Variants in PPP1R3C observed in about 807,000 individuals in gnomAD.
PPP1R3C encodes the protein protein phosphatase 1 regulatory subunit 3C.
In PPP1R3C, 20 loss-of-function variants were observed where a neutral mutation model predicts 29.3. That is an observed-to-expected ratio of 0.68 (90% CI 0.48 to 0.99). The LOEUF is 0.99. Among genes scored for constraint, PPP1R3C ranks in the 50% least tolerant of loss-of-function variants. The pLI, the probability that PPP1R3C is intolerant of heterozygous loss-of-function variation, is 0.00. For synonymous variants in PPP1R3C, 123 were observed against 143.1 expected, an observed-to-expected ratio of 0.86 and a Z score of 1.00; for missense variants, 321 against 386.0, an observed-to-expected ratio of 0.83 and a Z score of 1.41.
Position 91,632,870 on chromosome 10 carries a change from A to T in PPP1R3C, c.14+86T>A, listed in dbSNP as rs1848731523. On this transcript the variant is annotated intron_variant, in intron 1 of 1. Transcript: ENST00000238994. ...CTCCCCCTGGGGTGTCCATTTCCAG[A>T]GATGATAGAACTGAAACGCCCCCCA... 1.4e-5 allele frequency: 21 copies of T among 1,535,260 alleles called. No homozygotes were observed. The Middle Eastern group carries it at 5.0e-4, about 37-fold the overall frequency.
chr10:91,632,760 G>T (rs1462479889), intron 1 of PPP1R3C, among the ~76,000 whole-genome samples, 196 bp downstream of exon 1: 1 of 152,060 alleles, frequency 6.6e-6, no homozygotes, highest in Non-Finnish European at 1.5e-5. Flanking sequence ...ACTAAAATAG[G>T]CTCTGCTTAA....
rs528278914 is a variant in PPP1R3C at position 91,629,781 on chromosome 10, T to C, written c.*146A>G. The C allele has an allele frequency of 3.9e-4, 342 of 868,680 alleles. No individual in the cohort carries two copies. The highest frequency in any genetic ancestry group is 8.4e-4 in the Admixed American group (41 of 48,688). The allele number at this position is 868,680 out of a possible 1,614,324, so 53.8% of individuals were successfully genotyped here. A position where few individuals can be genotyped will look rare whatever the true frequency, so the allele number is the denominator to read the frequency against. ...CAGACCCCAACACTAAATTCTCAAGTGTCTTTCTTTTCCATAGCCAGGTCT... is the reference window on the plus strand; with the variant it reads ...CAGACCCCAACACTAAATTCTCAAGCGTCTTTCTTTTCCATAGCCAGGTCT... On this transcript the variant is annotated 3_prime_UTR_variant, in exon 2 of 2. Transcript: ENST00000238994.
intron 1 of PPP1R3C, 63 bp downstream of exon 1, chr10:91,632,893 C>T: frequency 6.3e-7 from 1 of 1,577,176 alleles, no homozygotes; most frequent in Middle Eastern, 1.7e-4. Context: ...GAAACGCCCC[C>T]CAACTTCCCC....
rs772093515 is a variant in PPP1R3C at position 91,630,441 on chromosome 10, CTT to C, written c.438_439del (p.Ser147PhefsTer27). 1.2e-6 allele frequency: 2 copies of C among 1,614,202 alleles called. No homozygotes were observed. ...GTTCTTCTGAAAGTGGCTCCGGAAA[CTT>C]AAGTAATCGGTTGAAGGCTGAGGGA... is the stretch of plus-strand genomic sequence containing the variant. On this transcript the variant is annotated frameshift_variant, in exon 2 of 2. Coordinates refer to ENST00000238994, the MANE Select transcript of PPP1R3C (RefSeq NM_005398.7). LOFTEE classifies it high-confidence loss of function. This position sits in a 1 kb window ranked among gnomAD's most constrained non-coding sequence, Gnocchi z 4.4.
chr10:91,632,923 T>C, intron 1 of PPP1R3C, 33 bp downstream of exon 1: 1 of 1,608,036 alleles, frequency 6.2e-7, no homozygotes, highest in Non-Finnish European at 8.5e-7. Context: ...CGTTCCCCTG[T>C]GTTCCTAGCG....
At chr10:91,631,306 T>C (rs1424094700) in intron 1 of PPP1R3C, among the ~76,000 whole-genome samples, 2 of 151,982 alleles carry the variant, frequency 1.3e-5, no homozygotes, top group African/African-American at 4.8e-5. Context: ...CTCTCTCTCT[T>C]TCTCTTTCTT....
chr10:91,630,886 G>T lies in PPP1R3C; in HGVS notation c.15-20C>A. On this transcript the variant is annotated intron_variant, in intron 1 of 1. Coordinates refer to ENST00000238994, the MANE Select transcript of PPP1R3C (RefSeq NM_005398.7). The surrounding 1 kb of genome is among the most constrained non-coding windows in gnomAD (Gnocchi z 4.4). ...ATCATTCTGGAATGCAAAAAGAAGA[G>T]GGATTATCACCTGGATCGGAAATGC... 1.3e-6 allele frequency: 2 copies of T among 1,594,462 alleles called. No homozygotes were observed. The highest frequency in any genetic ancestry group is 1.7e-6 in the Non-Finnish European group (2 of 1,169,602).
In PPP1R3C at chr10:91,630,846, G is replaced by A; in HGVS notation, c.35C>T (p.Pro12Leu). The change falls in exon 2 of 2, where the codon CCA becomes CTA. Residue 12 changes from proline (P) to leucine (L), a missense_variant. Pro to Leu is a moderately conservative substitution (Grantham distance 98). Transcript: ENST00000238994. This position sits in a 1 kb window ranked among gnomAD's most constrained non-coding sequence, Gnocchi z 4.4. The part of the protein sequence containing the change: ...SCTRMIQVLD[P>L]RPLTSSVMPV... ...CATGACCGAACTTGTCAAAGGACGT[G>A]GATCTAAAACCTGGATCATTCTGGA... 6.2e-7 allele frequency: 1 copy of A among 1,612,434 alleles called. No individual in the cohort carries two copies. The highest frequency in any genetic ancestry group is 8.5e-7 in the Non-Finnish European group (1 of 1,179,970).
rs1848691159 is a variant in PPP1R3C at position 91,629,614 on chromosome 10, C to G, written c.*313G>C. 7.2e-6 allele frequency: 3 copies of G among 414,332 alleles called. No homozygotes were observed. The highest frequency in any genetic ancestry group is 1.3e-5 in the Non-Finnish European group (3 of 224,958). The allele number at this position is 414,332 out of a possible 1,614,324, so 25.7% of individuals were successfully genotyped here. A position where few individuals can be genotyped will look rare whatever the true frequency, so the allele number is the denominator to read the frequency against. On this transcript the variant is annotated 3_prime_UTR_variant, in exon 2 of 2. Coordinates refer to ENST00000238994, the MANE Select transcript of PPP1R3C (RefSeq NM_005398.7). ...CTTTCCATCACCATCAGCCATCCTT[C>G]CTCAACTTTTCCTTGCCCAACATGA...
Position 91,632,945 on chromosome 10 carries a change from A to G in PPP1R3C, c.14+11T>C. On this transcript the variant is annotated intron_variant, in intron 1 of 1. Coordinates refer to ENST00000238994, the MANE Select transcript of PPP1R3C (RefSeq NM_005398.7). ...CTGTGTTCCTAGCGCGCAGAGTTGCAGCGAACCTACCTGGTGCAGCTCATT... is the reference window on the plus strand; with the variant it reads ...CTGTGTTCCTAGCGCGCAGAGTTGCGGCGAACCTACCTGGTGCAGCTCATT... 6.2e-7 allele frequency: 1 copy of G among 1,612,110 alleles called. No homozygotes were observed. Among genetic ancestry groups the G allele is most frequent in the Non-Finnish European group, 8.5e-7 (1 of 1,179,260 alleles).
At position 91,628,596 on chromosome 10, in the gene PPP1R3C, C is replaced by G. The variant is rs1848679769; in HGVS notation, c.*1331G>C. The G allele has an allele frequency of 6.6e-6, 1 of 152,188 alleles. No homozygotes were observed. The highest frequency in any genetic ancestry group is 1.5e-5 in the Non-Finnish European group (1 of 68,038). 9.4% of individuals were successfully genotyped at this position (152,188 alleles called of 1,614,324 possible). ...ATAGTACTTTTCCACCATGGCACATCACACATGTTAAAATTAACTGCATTC... is the reference window on the plus strand; with the variant it reads ...ATAGTACTTTTCCACCATGGCACATGACACATGTTAAAATTAACTGCATTC... On this transcript the variant is annotated 3_prime_UTR_variant, in exon 2 of 2. Transcript: ENST00000238994.
chr10:91,628,769 AAAAG>A lies in PPP1R3C; in HGVS notation c.*1154_*1157del, dbSNP rs1848681893. 6.6e-6 allele frequency: 1 copy of A among 152,516 alleles called. No homozygotes were observed. Among genetic ancestry groups the A allele is most frequent in the Non-Finnish European group, 1.5e-5 (1 of 68,044 alleles). 9.4% of individuals were successfully genotyped at this position (152,516 alleles called of 1,614,324 possible). ...ACAAGTCACATCCATTTTTTTAAAA[AAAAG>A]AAAACAGCAAGATGAAAATAGGCAA... On this transcript the variant is annotated 3_prime_UTR_variant, in exon 2 of 2. Coordinates refer to ENST00000238994, the MANE Select transcript of PPP1R3C (RefSeq NM_005398.7).
rs942232119 is a variant in PPP1R3C, at chr10:91,629,859, G to A, written c.*68C>T. On this transcript the variant is annotated 3_prime_UTR_variant, in exon 2 of 2. Coordinates refer to ENST00000238994, the MANE Select transcript of PPP1R3C (RefSeq NM_005398.7). ...GGAGTAGCAAAGGCTTCCTAAAATT[G>A]AGCAATACAGACCTAGGATTGCATG... 2.0e-6 allele frequency: 3 copies of A among 1,530,620 alleles called. No homozygotes were observed. The highest frequency in any genetic ancestry group is 4.5e-5 in the East Asian group (2 of 44,492). The allele number at this position is 1,530,620 out of a possible 1,614,324, so 94.8% of individuals were successfully genotyped here. A position where few individuals can be genotyped will look rare whatever the true frequency, so the allele number is the denominator to read the frequency against.
rs1180771610 is a variant in PPP1R3C, at chr10:91,630,813, T to C, written c.68A>G (p.Asp23Gly). 2 of 1,613,962 alleles carry C rather than the reference T, an allele frequency of 1.2e-6. No individual in the cohort carries two copies. Among genetic ancestry groups the C allele is most frequent in the Non-Finnish European group, 1.7e-6 (2 of 1,180,042 alleles). ...TGCCAAGCAAAGCCTCATGGCCACA[T>C]CCACGGGCATGACCGAACTTGTCAA... Reference protein sequence around the residue: ...RPLTSSVMPVDVAMRLCLAHS... With the variant: ...RPLTSSVMPVGVAMRLCLAHS... Residue 23 changes from aspartate to glycine, a missense_variant, in exon 2 of 2, where the codon GAT becomes GGT. Asp to Gly is a moderately conservative substitution (Grantham distance 94, BLOSUM62 -1). Coordinates refer to ENST00000238994, the MANE Select transcript of PPP1R3C (RefSeq NM_005398.7). This position sits in a 1 kb window ranked among gnomAD's most constrained non-coding sequence, Gnocchi z 4.4.
In PPP1R3C at chr10:91,631,001, T is replaced by C. The variant is rs1465735220; in HGVS notation, c.15-135A>G. The C allele has an allele frequency of 7.7e-6, 6 of 784,218 alleles. No individual in the cohort carries two copies. In the East Asian group the frequency reaches 1.1e-4, roughly 14 times the overall value. The allele number at this position is 784,218 out of a possible 1,614,324, so 48.6% of individuals were successfully genotyped here. A position where few individuals can be genotyped will look rare whatever the true frequency, so the allele number is the denominator to read the frequency against. ...GATATCAGGCAGGTGCTATCATATG[T>C]AGTAAAAGAGAACAGTATTAAGTGA... On this transcript the variant is annotated intron_variant, in intron 1 of 1. Transcript: ENST00000238994.
Position 91,630,244 on chromosome 10 carries a change from T to C in PPP1R3C, c.637A>G (p.Ser213Gly). ...YMKNVYGGTD[S>G]DTFSFAIDLP... is the part of the protein sequence containing the mutation. Reference sequence around the variant, plus strand: ...TCAATGGCAAATGAGAAGGTATCACTATCTGTGCCACCATACACATTTTTC... The same window carrying C: ...TCAATGGCAAATGAGAAGGTATCACCATCTGTGCCACCATACACATTTTTC... Residue 213 changes from serine to glycine, a missense_variant, in exon 2 of 2, where the codon AGT (serine) becomes GGT (glycine). Coordinates refer to ENST00000238994, the MANE Select transcript of PPP1R3C (RefSeq NM_005398.7). The surrounding 1 kb of genome is among the most constrained non-coding windows in gnomAD (Gnocchi z 4.4). 6.2e-7 allele frequency: 1 copy of C among 1,614,260 alleles called. No homozygotes were observed. Among genetic ancestry groups the C allele is most frequent in the East Asian group, 2.2e-5 (1 of 44,892 alleles).
At chr10:91,632,617 T>C (rs1315094544) in intron 1 of PPP1R3C, among the ~76,000 whole-genome samples, 1 of 152,176 alleles carries the variant, frequency 6.6e-6, no homozygotes, top group East Asian at 1.9e-4. Context: ...AATGTCAGAG[T>C]GCTGTTCTCA....
chr10:91,633,012 C>T lies in PPP1R3C; in HGVS notation c.-43G>A. 2.5e-6 allele frequency: 4 copies of T among 1,606,120 alleles called. No homozygotes were observed. The highest frequency in any genetic ancestry group is 3.4e-6 in the Non-Finnish European group (4 of 1,176,374). On this transcript the variant is annotated 5_prime_UTR_variant, in exon 1 of 2. Coordinates refer to ENST00000238994, the MANE Select transcript of PPP1R3C (RefSeq NM_005398.7). ...GACCCTAAAAGCCAGCACCCGCTGCCTGCACAAATTCGAACCACAGCTCCA... is the reference window on the plus strand; with the variant it reads ...GACCCTAAAAGCCAGCACCCGCTGCTTGCACAAATTCGAACCACAGCTCCA...
In PPP1R3C at chr10:91,630,557, T is replaced by A. The variant is rs1199798336; in HGVS notation, c.324A>T (p.Pro108=). The A allele has an allele frequency of 3.1e-6, 5 of 1,613,934 alleles. No homozygotes were observed. The African/African-American group carries it at 6.7e-5, about 22-fold the overall frequency. The change falls in exon 2 of 2, where the codon CCA becomes CCT. Residue 108 remains proline (P), a synonymous_variant. Coordinates refer to ENST00000238994, the MANE Select transcript of PPP1R3C (RefSeq NM_005398.7). The surrounding 1 kb of genome is among the most constrained non-coding windows in gnomAD (Gnocchi z 4.4). Reference sequence around the variant, plus strand: ...AGAGATCAAACTGCAGATCCCACGCTGGTTCTTCTGGGAGGTCGGAGAAGA... The same window carrying A: ...AGAGATCAAACTGCAGATCCCACGCAGGTTCTTCTGGGAGGTCGGAGAAGA... ...IHVFSDLPEE[P]AWDLQFDLLD...
Sources: allele counts gnomAD v4.1 joint callset (sites outside exome capture counted in the v4.1 genomes callset), GRCh38; gene constraint gnomAD v4.1.1; non-coding constraint Gnocchi (gnomAD v3.1); transcripts MANE v1.5; gene names NCBI Gene and HGNC (gene_info 2026-07-23, HGNC 2026-07-21).